Variants in MDGA2 observed in about 807,000 individuals in gnomAD.
MDGA2 encodes MAM domain-containing glycosylphosphatidylinositol anchor protein 2.
Under a neutral mutation model 117.8 loss-of-function variants are expected in MDGA2, and 40 were observed. That is an observed-to-expected ratio of 0.34 (90% CI 0.26 to 0.44). The LOEUF is 0.44. Ranked by LOEUF, MDGA2 falls within the 20% of genes least tolerant of loss-of-function variation. The pLI is 1.00. For missense variants in MDGA2, 1,123 were observed against 1,250.6 expected (o/e 0.90, Z 1.54); for synonymous variants, 452 against 439.0 (o/e 1.03, Z -0.37).
At chr14:46,981,381 G>C (rs1886666810) in intron 8 of MDGA2, among the ~76,000 whole-genome samples, 1 of 152,012 alleles carries the variant, frequency 6.6e-6, no homozygotes, top group Non-Finnish European at 1.5e-5. Flanking sequence ...TCCAGCCTGG[G>C]TGACAGAGGG....
chr14:47,194,436 T>A (rs1885216348), intron 3 of MDGA2, among the ~76,000 whole-genome samples: 1 of 152,048 alleles, frequency 6.6e-6, no homozygotes, highest in South Asian at 2.1e-4. Flanking sequence ...TTGATATATA[T>A]ATATTTTTTT....
chr14:47,302,188 G>A (rs1889307068), intron 1 of MDGA2, among the ~76,000 whole-genome samples: 1 of 152,166 alleles, frequency 6.6e-6, no homozygotes, highest in Admixed American at 6.5e-5. Context: ...TTAGCATAAA[G>A]CTGCCCAAAT....
chr14:47,396,964 C>T (rs1212571380), intron 1 of MDGA2, among the ~76,000 whole-genome samples: 6 of 152,126 alleles, frequency 3.9e-5, no homozygotes, highest in African/African-American at 9.7e-5. Flanking sequence ...CCATTTAACC[C>T]AGCAATCCCA....
chr14:47,044,242 T>C (rs1555346172), intron 7 of MDGA2, among the ~76,000 whole-genome samples: 1 of 152,180 alleles, frequency 6.6e-6, no homozygotes, highest in Non-Finnish European at 1.5e-5. Flanking sequence ...ATATGAACTC[T>C]TTTATTTTTT....
chr14:46,858,974 G>C (rs1194955838), intron 14 of MDGA2, among the ~76,000 whole-genome samples: 1 of 152,124 alleles, frequency 6.6e-6, no homozygotes, highest in Non-Finnish European at 1.5e-5. Context: ...AATTGACCAT[G>C]CTGAACTTGT....
chr14:47,233,409 A>G (rs887625662), intron 2 of MDGA2, among the ~76,000 whole-genome samples: 1 of 152,164 alleles, frequency 6.6e-6, no homozygotes, highest in African/African-American at 2.4e-5. Flanking sequence ...GTCTCTCCTT[A>G]CGCGCTTAGT....
At chr14:47,651,574 G>C (rs2138270469) in intron 1 of MDGA2, among the ~76,000 whole-genome samples, 2 of 152,092 alleles carry the variant, frequency 1.3e-5, no homozygotes, top group South Asian at 4.1e-4. Context: ...GATGTAATCT[G>C]CTGTTTTTTT....
chr14:46,876,263 T>C (rs562125731), intron 12 of MDGA2, among the ~76,000 whole-genome samples: 148 of 151,404 alleles, frequency 9.8e-4, no homozygotes, highest in Non-Finnish European at 1.8e-3. Flanking sequence ...GCAGGTAAAA[T>C]GAAAATAAAA....
intron 1 of MDGA2, among the ~76,000 whole-genome samples, chr14:47,490,317 G>C (rs555842963): frequency 1.3e-5 from 2 of 152,142 alleles, no homozygotes; most frequent in East Asian, 3.9e-4. Context: ...CATATATAGA[G>C]AAATCACTTT....
intron 1 of MDGA2, among the ~76,000 whole-genome samples, chr14:47,342,413 CAG>C (rs1445060780): frequency 6.6e-6 from 1 of 151,424 alleles, no homozygotes; most frequent in Non-Finnish European, 1.5e-5. Flanking sequence ...GATGAGAAAA[CAG>C]AGGTTCATAG....
At chr14:47,201,721 C>A (rs1049661729) in intron 3 of MDGA2, among the ~76,000 whole-genome samples, 1 of 152,298 alleles carries the variant, frequency 6.6e-6, no homozygotes, top group East Asian at 1.9e-4. Context: ...TTTTCTATTT[C>A]CTTCTTGTCT....
chr14:47,382,463 AG>A (rs1891658052), intron 1 of MDGA2, among the ~76,000 whole-genome samples: 1 of 152,246 alleles, frequency 6.6e-6, no homozygotes. Flanking sequence ...CATCTGACAA[AG>A]GGCTAATATC....
intron 1 of MDGA2, among the ~76,000 whole-genome samples, chr14:47,591,338 G>A (rs1896435087): frequency 6.6e-6 from 1 of 151,872 alleles, no homozygotes; most frequent in African/African-American, 2.4e-5. Context: ...AAGACAGCAT[G>A]ACATTTATAG....
chr14:47,565,776 T>C (rs1010446667), intron 1 of MDGA2, among the ~76,000 whole-genome samples: 1 of 152,160 alleles, frequency 6.6e-6, no homozygotes, highest in Non-Finnish European at 1.5e-5. Context: ...CACACATTCA[T>C]ACCCATGGCC....
chr14:46,868,580 G>T (rs954463891), intron 14 of MDGA2, among the ~76,000 whole-genome samples: 2 of 151,952 alleles, frequency 1.3e-5, no homozygotes, highest in African/African-American at 4.8e-5. Flanking sequence ...TTTAGAGAAA[G>T]ATCTTTACCC....
At chr14:47,588,209 A>C (rs866877372) in intron 1 of MDGA2, among the ~76,000 whole-genome samples, 1 of 145,864 alleles carries the variant, frequency 6.9e-6, no homozygotes, top group African/African-American at 2.5e-5. Context: ...GTGTAAAACT[A>C]TATTTTCAAA....
At chr14:47,406,659 T>C (rs1020691575) in intron 1 of MDGA2, among the ~76,000 whole-genome samples, 2 of 152,056 alleles carry the variant, frequency 1.3e-5, no homozygotes, top group African/African-American at 4.8e-5. Context: ...TTCTCTATTC[T>C]TTGGACTTAA....
At chr14:47,379,282 G>A (rs879764093) in intron 1 of MDGA2, among the ~76,000 whole-genome samples, 5 of 152,138 alleles carry the variant, frequency 3.3e-5, no homozygotes, top group East Asian at 1.9e-4. Context: ...AAAGACCATC[G>A]ATGCTAGGAA....
chr14:46,893,936 T>G (rs928914943), intron 10 of MDGA2, among the ~76,000 whole-genome samples: 1 of 152,008 alleles, frequency 6.6e-6, no homozygotes, highest in African/African-American at 2.4e-5. Context: ...GTCCCTTAAT[T>G]CCACCACCAG....
Sources: gnomAD v4.1 joint callset for allele counts (sites outside exome capture counted in the v4.1 genomes callset) on GRCh38, gnomAD v4.1.1 for gene constraint, MANE v1.5 for transcripts, NCBI Gene and HGNC (gene_info 2026-07-23, HGNC 2026-07-21) for gene names.